Variants in NCOR2 observed in about 807,000 individuals in gnomAD.
NCOR2 encodes nuclear receptor corepressor 2.
In NCOR2, 81 loss-of-function variants were observed where a neutral mutation model predicts 262.9. The ratio of observed to expected loss-of-function variants is 0.31; its 90% confidence interval spans 0.26 to 0.37. NCOR2 has a LOEUF of 0.37. Ranked by LOEUF, NCOR2 falls within the 10% of genes least tolerant of loss-of-function variation. The pLI is 1.00. For missense variants in NCOR2, 3,385 were observed against 3,621.4 expected, an observed-to-expected ratio of 0.93 and a Z score of 1.68; for synonymous variants, 1,659 against 1,559.3, an observed-to-expected ratio of 1.06 and a Z score of -1.51.
intron 1 of NCOR2, among the ~76,000 whole-genome samples, chr12:124,509,974 G>T (rs983073034): frequency 1.3e-5 from 2 of 152,146 alleles, no homozygotes; most frequent in Non-Finnish European, 2.9e-5. Flanking sequence ...AACCAAATGT[G>T]CTGATAAACC....
intron 1 of NCOR2, among the ~76,000 whole-genome samples, chr12:124,557,145 C>T (rs1265349103): frequency 6.6e-6 from 1 of 152,210 alleles, no homozygotes; most frequent in African/African-American, 2.4e-5. Context: ...CTGGGTTTTA[C>T]AGGCCTCCCC....
rs2050572328 is a variant in NCOR2 at position 124,527,978 on chromosome 12, T to C, written c.-118+7587A>G. Reference sequence around the variant, plus strand: ...GTGGCCCCATCTGTGCGGGGCACCATGTTTGTCATCTACCCTTCAGCGCAG... The same window carrying C: ...GTGGCCCCATCTGTGCGGGGCACCACGTTTGTCATCTACCCTTCAGCGCAG... On this transcript the variant is annotated intron_variant, in intron 1 of 46. Transcript: ENST00000404621. Among the ~76,000 whole-genome samples, 4 of 152,220 alleles carry C rather than the reference T, an allele frequency of 2.6e-5. No homozygotes were observed. The South Asian group carries it at 6.2e-4, about 24-fold the overall frequency.
intron 1 of NCOR2, among the ~76,000 whole-genome samples, chr12:124,545,856 G>T (rs2051528702): frequency 6.6e-6 from 1 of 152,226 alleles, no homozygotes; most frequent in Admixed American, 6.5e-5. Context: ...CCCTCTCTGG[G>T]CCCGGCAGAT....
chr12:124,483,389 A>C lies in NCOR2; in HGVS notation c.411+207T>G, dbSNP rs546605714. 4.6e-5 allele frequency among the ~76,000 whole-genome samples: 7 copies of C among 151,076 alleles called. No homozygotes were observed. The East Asian group carries it at 1.4e-3, about 29-fold the overall frequency. ...TCTGCCCACCTGGAACACCTTCCCC[A>C]CTTCTTCCCACACTCTGGCACCTCC... On this transcript the variant is annotated intron_variant, in intron 3 of 46. Transcript: ENST00000405201. This position sits in a 1 kb window ranked among gnomAD's most constrained non-coding sequence, Gnocchi z 6.3.
At chr12:124,525,427 T>C (rs1566025417) in intron 1 of NCOR2, among the ~76,000 whole-genome samples, 1 of 152,226 alleles carries the variant, frequency 6.6e-6, no homozygotes, top group Non-Finnish European at 1.5e-5. Context: ...AAAATCGTGT[T>C]TGTTTTTTGG....
upstream of NCOR2, among the ~76,000 whole-genome samples, chr12:124,498,268 C>T (rs930611253): frequency 5.3e-5 from 8 of 152,308 alleles, no homozygotes; most frequent in South Asian, 2.1e-4. Flanking sequence ...CCCTGGCACA[C>T]GCTTACCATG....
chr12:124,350,869 C>A, intron 27 of NCOR2, 132 bp from the exon 30 acceptor site: 1 of 937,386 alleles, frequency 1.1e-6, no homozygotes, highest in South Asian at 1.8e-5. Context: ...CACACTGTCT[C>A]AAATAGGTAA....
chr12:124,363,935 G>A (rs1174151590), intron 20 of NCOR2, 136 bp from the exon 23 acceptor site: 4 of 666,392 alleles, frequency 6.0e-6, no homozygotes, highest in South Asian at 1.3e-4. Context: ...CGAGGCGACT[G>A]TGCAGCTCAC....
Position 124,531,436 on chromosome 12 carries a change from G to T in NCOR2, c.-118+4129C>A, listed in dbSNP as rs914964857. Among the ~76,000 whole-genome samples the T allele has an allele frequency of 1.3e-5, 2 of 152,118 alleles. No homozygotes were observed. The highest frequency in any genetic ancestry group is 2.9e-5 in the Non-Finnish European group (2 of 68,018). ...ACTGTCAGCCTCCTCCTCTCAGCCC[G>T]CCATCACAGGCACCATTAATTGCTG... On this transcript the variant is annotated intron_variant, in intron 1 of 46. Transcript: ENST00000404621. This position sits in a 1 kb window ranked among gnomAD's most constrained non-coding sequence, Gnocchi z 4.5.
intron 16 of NCOR2, among the ~76,000 whole-genome samples, chr12:124,393,386 G>C (rs902222359): frequency 3.9e-5 from 6 of 152,224 alleles, no homozygotes; most frequent in Non-Finnish European, 7.4e-5. Context: ...CACAAGAAGG[G>C]AGGTTGCTCA....
upstream of NCOR2, chr12:124,537,700 C>T (rs1378924009): frequency 1.3e-5 from 2 of 152,320 alleles, no homozygotes; most frequent in African/African-American, 4.8e-5. Flanking sequence ...TGACTCCTAC[C>T]CCCACCCAGG....
chr12:124,340,259 T>C, intron 36 of NCOR2, 35 bp downstream of exon 38: 1 of 1,606,464 alleles, frequency 6.2e-7, no homozygotes, highest in Non-Finnish European at 8.5e-7. Flanking sequence ...CCACAAGGAG[T>C]CCCGGAGCGG....
chr12:124,471,180 C>T (rs1432051228), intron 4 of NCOR2, among the ~76,000 whole-genome samples: 1 of 152,216 alleles, frequency 6.6e-6, no homozygotes, highest in African/African-American at 2.4e-5. Context: ...CCACGATGGA[C>T]ACTTGAAATC....
intron 41 of NCOR2, among the ~76,000 whole-genome samples, chr12:124,333,882 G>GCA (rs2035530842): frequency 1.7e-5 from 2 of 117,710 alleles, no homozygotes; most frequent in African/African-American, 6.5e-5. Context: ...GTGTGCGGGT[G>GCA]TGCATGTGTG....
chr12:124,363,685 G>T (rs772284417), exon 21 of NCOR2: 2 of 1,391,206 alleles, frequency 1.4e-6, no homozygotes, highest in Non-Finnish European at 1.9e-6. Flanking sequence ...TCACGATGGG[G>T]GGGATGGCAG....
chr12:124,564,238 C>T (rs987353006), intron 1 of NCOR2, among the ~76,000 whole-genome samples: 1 of 152,208 alleles, frequency 6.6e-6, no homozygotes, highest in African/African-American at 2.4e-5. Flanking sequence ...CTTTCCCAAG[C>T]ATCACTTCCC....
intron 5 of NCOR2, among the ~76,000 whole-genome samples, chr12:124,463,297 C>T (rs1219082511): frequency 6.6e-6 from 1 of 152,250 alleles, no homozygotes. Flanking sequence ...CTGTGCCATG[C>T]CCCCTCACCC....
chr12:124,369,039 C>T (rs1241533728), intron 20 of NCOR2, among the ~76,000 whole-genome samples: 1 of 152,234 alleles, frequency 6.6e-6, no homozygotes, highest in Non-Finnish European at 1.5e-5. Flanking sequence ...CAAAGGAGGG[C>T]AGCTAATCTC....
intron 11 of NCOR2, among the ~76,000 whole-genome samples, chr12:124,425,386 G>C (rs576154376): frequency 1.3e-5 from 2 of 149,696 alleles, no homozygotes; most frequent in South Asian, 4.2e-4. Flanking sequence ...AAAGAAGAAA[G>C]AAAAAAAGGA....
Sources: allele counts gnomAD v4.1 joint callset (sites outside exome capture counted in the v4.1 genomes callset), GRCh38; gene constraint gnomAD v4.1.1; non-coding constraint Gnocchi (gnomAD v3.1); transcripts MANE v1.5; gene names NCBI Gene and HGNC (gene_info 2026-07-23, HGNC 2026-07-21).